Variants in PTPRN2 observed in about 807,000 individuals in gnomAD.
PTPRN2 encodes receptor-type tyrosine-protein phosphatase N2.
Under a neutral mutation model 118.8 loss-of-function variants are expected in PTPRN2, and 74 were observed. The ratio of observed to expected loss-of-function variants is 0.62; its 90% CI spans 0.52 to 0.76. The LOEUF (loss-of-function observed/expected upper bound fraction) is 0.76, where lower values mean the gene tolerates loss of function less well. Among genes scored for constraint, PTPRN2 ranks in the 30% least tolerant of loss-of-function variants. The pLI is 0.00. For missense variants in PTPRN2, 1,481 were observed against 1,394.4 expected, an observed-to-expected ratio of 1.06 and a Z score of -0.99; for synonymous variants, 641 against 608.0, an observed-to-expected ratio of 1.05 and a Z score of -0.80.
At chr7:158,094,786 G>C (rs1814494035) in intron 10 of PTPRN2, among the ~76,000 whole-genome samples, 2 of 152,188 alleles carry the variant, frequency 1.3e-5, no homozygotes, top group African/African-American at 4.8e-5. Flanking sequence ...CGGTGCTGTA[G>C]GACAGGCAGG....
Position 157,881,208 on chromosome 7 carries a change from G to A in PTPRN2, c.1788+17465C>T, listed in dbSNP as rs1346913939. Among the ~76,000 whole-genome samples the A allele has an allele frequency of 6.8e-6, 1 of 147,358 alleles. No individual in the cohort carries two copies. The highest frequency in any genetic ancestry group is 1.5e-5 in the Non-Finnish European group (1 of 66,640). On this transcript the variant is annotated intron_variant, in intron 12 of 22. Transcript: ENST00000389418. The surrounding 1 kb of genome is among the most constrained non-coding windows in gnomAD (Gnocchi z 4.7). Reference sequence around the variant, plus strand: ...TGAGGTCATGAGGGTATGTGGAGATGGGGGTGTTTACAGTAGTCATTATGG... The same window carrying A: ...TGAGGTCATGAGGGTATGTGGAGATAGGGGTGTTTACAGTAGTCATTATGG...
intron 12 of PTPRN2, among the ~76,000 whole-genome samples, chr7:157,712,525 C>T (rs919092612): frequency 4.0e-5 from 6 of 151,830 alleles, no homozygotes; most frequent in Non-Finnish European, 5.9e-5. Context: ...CTGAGGCGGG[C>T]GGATCACCTG....
chr7:158,203,186 C>G (rs537487030), intron 4 of PTPRN2, among the ~76,000 whole-genome samples: 1 of 120,560 alleles, frequency 8.3e-6, no homozygotes. Context: ...GAGCCAAGAT[C>G]GTGCCACTGC....
At chr7:158,469,735 C>CAA (rs56040599) in intron 2 of PTPRN2, among the ~76,000 whole-genome samples, 767 of 67,472 alleles carry the variant, frequency 0.011, 17 homozygotes, top group South Asian at 0.038. Context: ...AAAACCTGGC[C>CAA]AAAAAAAAAA....
At chr7:157,638,889 C>A (rs926588519) in intron 14 of PTPRN2, among the ~76,000 whole-genome samples, 4 of 152,202 alleles carry the variant, frequency 2.6e-5, no homozygotes, top group African/African-American at 9.7e-5. Flanking sequence ...CTTGGCCCAT[C>A]AGCACTCCCA....
At chr7:157,998,621 G>A (rs1473670140) in intron 11 of PTPRN2, among the ~76,000 whole-genome samples, 2 of 152,066 alleles carry the variant, frequency 1.3e-5, no homozygotes, top group African/African-American at 4.8e-5. Flanking sequence ...TCAGGAGATC[G>A]AGACCATCCT....
rs188591993 is a variant in PTPRN2, at chr7:157,571,341, A to G, written c.2837+99T>C. The stretch of plus-strand genomic sequence containing the variant: ...TCCTTTAGAAGTGCCAGTTAGTTAT[A>G]TTTATTAAGCAATTAGAAAGTTAAG... On this transcript the variant is annotated intron_variant, in intron 20 of 22. Coordinates refer to ENST00000389418, the MANE Select transcript of PTPRN2 (RefSeq NM_002847.5). 4.4e-4 allele frequency: 424 copies of G among 964,528 alleles called. 1 individual carries two copies. The African/African-American group carries it at 6.4e-3, about 15-fold the overall frequency. 59.7% of individuals were successfully genotyped at this position (964,528 alleles called of 1,614,324 possible). A position where few individuals can be genotyped will look rare whatever the true frequency, so the allele number is the denominator to read the frequency against.
chr7:158,568,051 G>A (rs551954235), intron 1 of PTPRN2, among the ~76,000 whole-genome samples: 1 of 152,218 alleles, frequency 6.6e-6, no homozygotes, highest in East Asian at 1.9e-4. Context: ...TCACAAGTTC[G>A]AGACCAGCCT....
intron 2 of PTPRN2, among the ~76,000 whole-genome samples, chr7:158,417,041 C>T (rs62478435): frequency 0.44 from 66,863 of 151,362 alleles, 15,835 homozygotes; most frequent in East Asian, 0.76. Flanking sequence ...TCCCCCTGTG[C>T]TAAGTCACAG....
chr7:158,263,102 GCACA>G (rs375210924), intron 3 of PTPRN2, among the ~76,000 whole-genome samples: 9 of 102,170 alleles, frequency 8.8e-5, no homozygotes, highest in Middle Eastern at 8.3e-3. Context: ...TTCACACACT[GCACA>G]CACACACTGC....
intron 3 of PTPRN2, among the ~76,000 whole-genome samples, chr7:158,274,497 C>G (rs1346904224): frequency 7.7e-6 from 1 of 130,254 alleles, no homozygotes; most frequent in Non-Finnish European, 1.7e-5. Flanking sequence ...GCCGCAGGCA[C>G]AGGGGGAGCC....
rs927835647 is a variant in PTPRN2 at position 157,882,612 on chromosome 7, G to A, written c.1788+16061C>T. On this transcript the variant is annotated intron_variant, in intron 12 of 22. Coordinates refer to ENST00000389418, the MANE Select transcript of PTPRN2 (RefSeq NM_002847.5). ...CTGTCGAAGACCAGAACACACCACC[G>A]CAAAATGACTGTCAGAGACCAGAAC... 2.5e-4 allele frequency among the ~76,000 whole-genome samples: 29 copies of A among 114,214 alleles called. No homozygotes were observed. The East Asian group carries it at 5.3e-3, about 21-fold the overall frequency. The allele number at this position is 114,214 out of a possible 152,430, so 74.9% of individuals were successfully genotyped here.
chr7:157,967,909 G>A (rs886119222), intron 11 of PTPRN2, among the ~76,000 whole-genome samples: 2 of 152,204 alleles, frequency 1.3e-5, no homozygotes, highest in African/African-American at 4.8e-5. Context: ...TCTCATGCAC[G>A]GTTCTCTTTT....
At chr7:158,362,716 C>G (rs1586462809) in intron 2 of PTPRN2, among the ~76,000 whole-genome samples, 1 of 152,054 alleles carries the variant, frequency 6.6e-6, no homozygotes, top group African/African-American at 2.4e-5. Flanking sequence ...CACGCTCATC[C>G]TGGTGAAAAT....
At chr7:158,336,428 C>T (rs1321641456) in intron 2 of PTPRN2, among the ~76,000 whole-genome samples, 3 of 121,654 alleles carry the variant, frequency 2.5e-5, no homozygotes, top group Non-Finnish European at 5.4e-5. Context: ...GTGACACCTG[C>T]AGACGTCACT....
At chr7:157,558,871 G>A (rs1050742142) in intron 21 of PTPRN2, among the ~76,000 whole-genome samples, 3 of 152,180 alleles carry the variant, frequency 2.0e-5, no homozygotes, top group Non-Finnish European at 2.9e-5. Context: ...GGCCAGTTAC[G>A]CATTGACTCA....
chr7:157,827,369 A>ACAACC (rs1399709336), intron 12 of PTPRN2, among the ~76,000 whole-genome samples: 3 of 134,202 alleles, frequency 2.2e-5, no homozygotes, highest in African/African-American at 5.8e-5. Flanking sequence ...AGACCACAAC[A>ACAACC]CAACACAACA....
intron 12 of PTPRN2, among the ~76,000 whole-genome samples, chr7:157,737,957 C>A (rs1256224313): frequency 6.6e-6 from 1 of 152,214 alleles, no homozygotes; most frequent in Non-Finnish European, 1.5e-5. Context: ...CCCGGGAATG[C>A]CTGGGTCAGA....
intron 11 of PTPRN2, among the ~76,000 whole-genome samples, chr7:158,059,279 GCA>G (rs1309872820): frequency 7.2e-6 from 1 of 139,046 alleles, no homozygotes; most frequent in Non-Finnish European, 1.5e-5. Context: ...CACTCCATCT[GCA>G]CACAGTGACA....
Sources: allele counts gnomAD v4.1 joint callset (sites outside exome capture counted in the v4.1 genomes callset), GRCh38; gene constraint gnomAD v4.1.1; non-coding constraint Gnocchi (gnomAD v3.1); transcripts MANE v1.5; gene names NCBI Gene and HGNC (gene_info 2026-07-23, HGNC 2026-07-21).